Variants in FERMT1 observed in about 807,000 individuals in gnomAD.
FERMT1 encodes the protein FERM domain containing kindlin 1.
FERMT1 carries 60 observed loss-of-function variants against 85.3 expected under a neutral mutation model. That is an observed-to-expected ratio of 0.70 (90% CI 0.57 to 0.87). The LOEUF is 0.87. FERMT1 is among the 40% of genes least tolerant of loss of function. The pLI is 0.00. For missense variants in FERMT1, 701 were observed against 818.9 expected (o/e 0.86, Z 1.76); for synonymous variants, 275 against 301.1 (o/e 0.91, Z 0.90).
chr20:6,111,278 A>G (rs550155905), intron 4 of FERMT1, among the ~76,000 whole-genome samples: 1 of 152,332 alleles, frequency 6.6e-6, no homozygotes, highest in African/African-American at 2.4e-5. Context: ...ATGATTTATA[A>G]ATCAGCTGGC....
In FERMT1 at chr20:6,077,285, T is replaced by C; in HGVS notation, c.1922A>G (p.Lys641Arg). Residue 641 changes from lysine (K) to arginine (R), a missense_variant, in exon 15 of 15, where the codon AAG becomes AGG. Lys to Arg is a conservative substitution (Grantham distance 26). Transcript: ENST00000217289. ...TAFTCLSADC[K>R]IVHEYIGGYI... ...GCCGCCAATGTACTCGTGCACAATC[T>C]TGCAATCTGCACTCAGGCAGGTGAA... 6.2e-7 allele frequency: 1 copy of C among 1,614,150 alleles called. No homozygotes were observed. The highest frequency in any genetic ancestry group is 8.5e-7 in the Non-Finnish European group (1 of 1,180,034).
intron 11 of FERMT1, among the ~76,000 whole-genome samples, chr20:6,087,464 C>T (rs1982217515): frequency 6.6e-6 from 1 of 152,178 alleles, no homozygotes; most frequent in Non-Finnish European, 1.5e-5. Flanking sequence ...GCACCCACCA[C>T]CATGCCTGGC....
At chr20:6,082,951 C>T (rs909934464) in intron 13 of FERMT1, among the ~76,000 whole-genome samples, 1 of 152,132 alleles carries the variant, frequency 6.6e-6, no homozygotes, top group Non-Finnish European at 1.5e-5. Context: ...TGAGCCACCG[C>T]GCCCAGCTGG....
At chr20:6,107,199 C>CAAAAAAAAAAA (rs59180891) in intron 6 of FERMT1, among the ~76,000 whole-genome samples, 1 of 92,646 alleles carries the variant, frequency 1.1e-5, no homozygotes, top group Non-Finnish European at 2.1e-5. Context: ...CTGTCTCAAC[C>CAAAAAAAAAAA]AAAAAAAAAA....
In FERMT1 at chr20:6,117,973, C is replaced by T. The variant is rs545535511; in HGVS notation, c.151+1431G>A. Among the ~76,000 whole-genome samples the T allele has an allele frequency of 1.2e-4, 18 of 152,338 alleles. 2 individuals carry two copies. Among genetic ancestry groups the T allele is most frequent in the African/African-American group, 4.3e-4 (18 of 41,586 alleles). Reference sequence around the variant, plus strand: ...CACTGCTCTCAGCCAGAAAATGCTCCTCTTAATGCTGTTAGTAGAAGCATA... The same window carrying T: ...CACTGCTCTCAGCCAGAAAATGCTCTTCTTAATGCTGTTAGTAGAAGCATA... On this transcript the variant is annotated intron_variant, in intron 2 of 14. Transcript: ENST00000217289.
At chr20:6,099,975 G>T (rs1216822078) in intron 6 of FERMT1, among the ~76,000 whole-genome samples, 4 of 148,278 alleles carry the variant, frequency 2.7e-5, no homozygotes, top group African/African-American at 1.0e-4. Flanking sequence ...GACAGAGAGA[G>T]ACTATCTCAG....
intron 11 of FERMT1, among the ~76,000 whole-genome samples, chr20:6,086,485 G>A (rs1037679765): frequency 1.3e-5 from 2 of 152,146 alleles, no homozygotes; most frequent in African/African-American, 4.8e-5. Context: ...TACAGTTAAA[G>A]AGGGGCGTTC....
At position 6,115,929 on chromosome 20, in the gene FERMT1, G is replaced by A. The variant is rs776754105; in HGVS notation, c.267C>T (p.Leu89=). Residue 89 remains leucine, a synonymous_variant, in exon 3 of 15, where the codon CTC becomes CTT. Coordinates refer to ENST00000217289, the MANE Select transcript of FERMT1 (RefSeq NM_017671.5). ...KYGVQADAKL[L]FTPQHKMLRL... ...GCAGCATTTTATGCTGAGGGGTGAA[G>A]AGAAGCTTTGCATCTGCCTGGACCC... 1.9e-6 allele frequency: 3 copies of A among 1,614,190 alleles called. No individual in the cohort carries two copies. The highest frequency in any genetic ancestry group is 2.5e-6 in the Non-Finnish European group (3 of 1,180,018).
intron 6 of FERMT1, among the ~76,000 whole-genome samples, chr20:6,098,399 C>T (rs908193367): frequency 2.6e-5 from 4 of 151,924 alleles, no homozygotes; most frequent in African/African-American, 9.7e-5. Flanking sequence ...TCAAATATTG[C>T]CAAGAAATTG....
Position 6,076,723 on chromosome 20 carries a change from T to C in FERMT1, c.*450A>G, listed in dbSNP as rs1009430299. 3.4e-5 allele frequency: 11 copies of C among 328,244 alleles called. No individual in the cohort carries two copies. Among genetic ancestry groups the C allele is most frequent in the Non-Finnish European group, 6.6e-5 (11 of 166,758 alleles). The allele number at this position is 328,244 out of a possible 1,614,324, so 20.3% of individuals were successfully genotyped here. On this transcript the variant is annotated 3_prime_UTR_variant, in exon 15 of 15. Transcript: ENST00000217289. ...AAGACAGGAGCTAAAAGCAGTTCCA[T>C]GAAGGACAGGCGTTTCGTTTCATAC...
In FERMT1 at chr20:6,119,411, T is replaced by C. The variant is rs1471312155; in HGVS notation, c.144A>G (p.Glu48=). The C allele has an allele frequency of 3.1e-6, 5 of 1,614,116 alleles. No homozygotes were observed. The highest frequency in any genetic ancestry group is 1.7e-5 in the Admixed American group (1 of 60,034). The change falls in exon 2 of 15, where the codon GAA becomes GAG. Residue 48 remains glutamate (E), a synonymous_variant. Coordinates refer to ENST00000217289, the MANE Select transcript of FERMT1 (RefSeq NM_017671.5). ...HVGGVMLKLV[E]QINISQDWSD... ...AAAGCAAGAGTAACTTACTGATCTG[T>C]TCTACTAACTTGAGCATCACTCCTC...
chr20:6,080,934 G>A (rs1444901369), intron 13 of FERMT1, among the ~76,000 whole-genome samples: 1 of 152,182 alleles, frequency 6.6e-6, no homozygotes, highest in African/African-American at 2.4e-5. Flanking sequence ...TATAAATGAA[G>A]TCAAAAGAAT....
chr20:6,082,903 G>A lies in FERMT1; in HGVS notation c.1718+1137C>T, dbSNP rs369983003. Among the ~76,000 whole-genome samples the A allele has an allele frequency of 4.6e-4, 70 of 151,992 alleles. No individual in the cohort carries two copies. The South Asian group carries it at 0.014, about 29-fold the overall frequency. On this transcript the variant is annotated intron_variant, in intron 13 of 14. Coordinates refer to ENST00000217289, the MANE Select transcript of FERMT1 (RefSeq NM_017671.5). Reference sequence around the variant, plus strand: ...TTGAACTCTTGAGCTCAGGCAATCCGTCCACTTTGGCCTCCCAAAGTGCTA... The same window carrying A: ...TTGAACTCTTGAGCTCAGGCAATCCATCCACTTTGGCCTCCCAAAGTGCTA...
At chr20:6,088,588 C>T (rs1982253121) in intron 10 of FERMT1, among the ~76,000 whole-genome samples, 1 of 151,558 alleles carries the variant, frequency 6.6e-6, no homozygotes, top group African/African-American at 2.4e-5. Context: ...TAAACCGTGC[C>T]TCATGGTGTC....
intron 3 of FERMT1, among the ~76,000 whole-genome samples, chr20:6,113,617 C>T (rs1334105635): frequency 6.6e-6 from 1 of 152,138 alleles, no homozygotes; most frequent in African/African-American, 2.4e-5. Flanking sequence ...GCTCTGATGG[C>T]TCACCAGGGT....
rs1326445402 is a variant in FERMT1, at chr20:6,084,032, G to T, written c.1718+8C>A. On this transcript the variant is annotated splice_region_variant and intron_variant, in intron 13 of 14. Coordinates refer to ENST00000217289, the MANE Select transcript of FERMT1 (RefSeq NM_017671.5). ...AAAGTGTGAGAAACAAGTGAACATTGTAATCACCTGACAAGGTAGTAGGTG... is the reference window on the plus strand; with the variant it reads ...AAAGTGTGAGAAACAAGTGAACATTTTAATCACCTGACAAGGTAGTAGGTG... The T allele has an allele frequency of 1.2e-6, 2 of 1,614,022 alleles. No homozygotes were observed. The highest frequency in any genetic ancestry group is 1.7e-6 in the Non-Finnish European group (2 of 1,180,020).
At chr20:6,111,368 A>C (rs905398010) in intron 4 of FERMT1, among the ~76,000 whole-genome samples, 3 of 152,028 alleles carry the variant, frequency 2.0e-5, no homozygotes, top group Admixed American at 2.0e-4. Flanking sequence ...GTGGTGGCTC[A>C]TTCCTGTAAT....
At chr20:6,094,550 C>T (rs533311853) in intron 9 of FERMT1, among the ~76,000 whole-genome samples, 5 of 152,120 alleles carry the variant, frequency 3.3e-5, no homozygotes, top group Non-Finnish European at 7.4e-5. Flanking sequence ...TCTAGTATGG[C>T]GGATGTGTTT....
chr20:6,107,358 G>A lies in FERMT1; in HGVS notation c.849+174C>T, dbSNP rs4407314. 0.17 allele frequency among the ~76,000 whole-genome samples: 25,186 copies of A among 152,210 alleles called. 2,756 individuals are homozygous for A. The highest frequency in any genetic ancestry group is 0.47 in the East Asian group (2,415 of 5,182). On this transcript the variant is annotated intron_variant, in intron 6 of 14. Coordinates refer to ENST00000217289, the MANE Select transcript of FERMT1 (RefSeq NM_017671.5). ...GTAGCAGCTTACTGTGCTCAGTAGC[G>A]ACCAAAGGATAAAAATTCAGAGACC... is the stretch of plus-strand genomic sequence containing the variant.
Sources: allele counts gnomAD v4.1 joint callset (sites outside exome capture counted in the v4.1 genomes callset), GRCh38; gene constraint gnomAD v4.1.1; transcripts MANE v1.5; gene names NCBI Gene and HGNC (gene_info 2026-07-23, HGNC 2026-07-21).